PRAME: variants seen among roughly 807,000 people sequenced by gnomAD.
PRAME encodes PRAME nuclear receptor transcriptional regulator, also known as melanoma antigen preferentially expressed in tumors.
A neutral mutation model predicts 32.1 loss-of-function variants in PRAME; 21 were observed. The ratio of observed to expected loss-of-function variants is 0.65; its 90% CI spans 0.46 to 0.94. The LOEUF (loss-of-function observed/expected upper bound fraction) is 0.94, where lower values mean the gene tolerates loss of function less well. PRAME is among the 40% of genes least tolerant of loss of function. The pLI, the probability that PRAME is intolerant of heterozygous loss-of-function variation, is 0.00. For missense variants in PRAME, 651 were observed against 622.3 expected (o/e 1.05, Z -0.49); for synonymous variants, 274 against 251.5 (o/e 1.09, Z -0.85).
chr22:22,558,929 C>T (rs1310769384), intron 1 of PRAME, 42 bp downstream of exon 1: 1 of 152,776 alleles, frequency 6.5e-6, no homozygotes, highest in Admixed American at 6.6e-5. Context: ...TCTGTAACCC[C>T]CCGGGCTGAA....
intron 1 of PRAME, among the ~76,000 whole-genome samples, chr22:22,558,260 T>G (rs932015613): frequency 2.6e-3 from 1 of 392 alleles, no homozygotes; most frequent in African/African-American, 0.021. Context: ...GGGGGAGGGG[T>G]GGGGTGGGGG....
In PRAME at chr22:22,556,742, C is replaced by T. The variant is rs371353953; in HGVS notation, c.21+70G>A. 1.5e-4 allele frequency: 240 copies of T among 1,590,302 alleles called. 1 individual carries two copies. In the Middle Eastern group the frequency reaches 1.7e-3, roughly 11 times the overall value. ...ACCTCAGGATGCAGCTCCCATCTGGCTCGAGTGACAAGGACAGAGGGGAAC... is the reference window on the plus strand; with the variant it reads ...ACCTCAGGATGCAGCTCCCATCTGGTTCGAGTGACAAGGACAGAGGGGAAC... On this transcript the variant is annotated intron_variant, in intron 3 of 5. Coordinates refer to ENST00000405655, the MANE Select transcript of PRAME (RefSeq NM_206956.3).
chr22:22,557,065 C>T, intron 2 of PRAME, 156 bp from the exon 3 acceptor site: 1 of 597,808 alleles, frequency 1.7e-6, no homozygotes, highest in South Asian at 1.9e-5. Flanking sequence ...GGCTCCAAAC[C>T]TGAGCACCAG....
chr22:22,555,759 C>T, intron 3 of PRAME: 1 of 423,390 alleles, frequency 2.4e-6, no homozygotes, highest in Non-Finnish European at 5.1e-6. Flanking sequence ...GTTGCATGTT[C>T]TCCCTGATCT....
In PRAME at chr22:22,551,864, G is replaced by A. The variant is rs976726506; in HGVS notation, c.22-775C>T. On this transcript the variant is annotated intron_variant, in intron 3 of 5. Transcript: ENST00000405655. ...ATACATTGTAGAATAGGTACCTTAA[G>A]CTAATTAACATACATATGATCTCAC... 3.0e-4 allele frequency among the ~76,000 whole-genome samples: 46 copies of A among 151,732 alleles called. 1 individual carries two copies. Among genetic ancestry groups the A allele is most frequent in the Admixed American group, 3.0e-3 (46 of 15,210 alleles).
chr22:22,554,111 G>C, intron 3 of PRAME: 1 of 984,962 alleles, frequency 1.0e-6, no homozygotes, highest in Non-Finnish European at 1.2e-6. Flanking sequence ...AAAAATTGAA[G>C]TTATATTTGG....
chr22:22,555,158 G>C (rs2062832987), intron 3 of PRAME, among the ~76,000 whole-genome samples: 1 of 152,008 alleles, frequency 6.6e-6, no homozygotes, highest in African/African-American at 2.4e-5. Context: ...TATGGTCCTT[G>C]TGGGCTGCAC....
At position 22,548,283 on chromosome 22, in the gene PRAME, G is replaced by A. The variant is rs761766767; in HGVS notation, c.1314C>T (p.His438=). ...QHLIGLSNLT[H]VLYPVPLESY... ...TCTCCAGGGGGACAGGATACAGCAC[G>A]TGGGTCAGATTGCTCAGCCCGATGA... The change falls in exon 6 of 6, where the codon CAC becomes CAT. Residue 438 remains histidine, a synonymous_variant. Transcript: ENST00000405655. 3.2e-5 allele frequency: 52 copies of A among 1,613,802 alleles called. No homozygotes were observed. The highest frequency in any genetic ancestry group is 3.8e-5 in the Non-Finnish European group (45 of 1,179,922).
In PRAME at chr22:22,548,270, C is replaced by CA; in HGVS notation, c.1326dup (p.Val443CysfsTer7). On this transcript the variant is annotated frameshift_variant, in exon 6 of 6. Transcript: ENST00000405655. LOFTEE classifies it low-confidence loss of function (END_TRUNC). ...ATGTCCTCATAACTCTCCAGGGGGA[C>CA]AGGATACAGCACGTGGGTCAGATTG... The CA allele has an allele frequency of 6.2e-7, 1 of 1,613,834 alleles. No individual in the cohort carries two copies. Among genetic ancestry groups the CA allele is most frequent in the Non-Finnish European group, 8.5e-7 (1 of 1,179,976 alleles).
intron 2 of PRAME, chr22:22,557,116 C>T (rs1601845366): frequency 3.8e-6 from 2 of 525,788 alleles, no homozygotes; most frequent in East Asian, 6.7e-5. Flanking sequence ...GAACAACAGA[C>T]CATGTGGTTG....
At chr22:22,553,402 T>A (rs772696490) in intron 3 of PRAME, among the ~76,000 whole-genome samples, 1 of 151,984 alleles carries the variant, frequency 6.6e-6, no homozygotes, top group Non-Finnish European at 1.5e-5. Flanking sequence ...GCTGGGCATT[T>A]GTAATGGGAC....
chr22:22,549,788 G>C lies in PRAME; in HGVS notation c.891C>G (p.Cys297Trp), dbSNP rs2062460123. The change falls in exon 5 of 6, where the codon TGC (cysteine) becomes TGG (tryptophan). Residue 297 changes from cysteine to tryptophan, a missense_variant. Coordinates refer to ENST00000405655, the MANE Select transcript of PRAME (RefSeq NM_206956.3). The part of the protein sequence containing the change: ...QFTSQFLSLQ[C>W]LQALYVDSLF... Reference sequence around the variant, plus strand: ...AAGAGTCCACATAGAGAGCCTGCAGGCACTGCAGACTGAGGAACTGAGAGG... The same window carrying C: ...AAGAGTCCACATAGAGAGCCTGCAGCCACTGCAGACTGAGGAACTGAGAGG... The C allele has an allele frequency of 6.2e-7, 1 of 1,613,604 alleles. No homozygotes were observed. Among genetic ancestry groups the C allele is most frequent in the East Asian group, 2.2e-5 (1 of 44,768 alleles).
At chr22:22,557,007 G>T in intron 2 of PRAME, 98 bp from the exon 3 acceptor site, 1 of 739,298 alleles carries the variant, frequency 1.4e-6, no homozygotes, top group East Asian at 2.7e-5. Flanking sequence ...TACTGCTGAG[G>T]AAACTGACAA....
intron 3 of PRAME, among the ~76,000 whole-genome samples, chr22:22,551,714 T>C (rs1341739333): frequency 6.6e-6 from 1 of 151,836 alleles, no homozygotes; most frequent in Non-Finnish European, 1.5e-5. Context: ...GACATGGAAA[T>C]CAGCGGAGCA....
chr22:22,556,146 T>C (rs1474393218), intron 3 of PRAME, among the ~76,000 whole-genome samples: 4 of 150,704 alleles, frequency 2.7e-5, no homozygotes, highest in Non-Finnish European at 4.4e-5. Flanking sequence ...ACTACAGATG[T>C]GGGCCACCAC....
At chr22:22,556,507 TCA>T (rs2147053170) in intron 3 of PRAME, among the ~76,000 whole-genome samples, 1 of 151,922 alleles carries the variant, frequency 6.6e-6, no homozygotes, top group African/African-American at 2.4e-5. Flanking sequence ...ACGCGGGGTT[TCA>T]CAGTGTTAGC....
intron 3 of PRAME, chr22:22,552,890 C>T (rs1360518742): frequency 2.1e-6 from 1 of 470,860 alleles, no homozygotes; most frequent in East Asian, 7.0e-5. Flanking sequence ...CTGGGTCCCT[C>T]CTCTGGCCCC....
chr22:22,555,993 A>ATTT, intron 3 of PRAME: 2 of 334,184 alleles, frequency 6.0e-6, no homozygotes, highest in Non-Finnish European at 1.3e-5. Flanking sequence ...ATGCATTAAG[A>ATTT]TTTTTTTTTT....
Position 22,559,123 on chromosome 22 carries a change from C to T in PRAME, c.-266G>A, listed in dbSNP as rs1477701712. 1 of 220,102 alleles carries T rather than the reference C, an allele frequency of 4.5e-6. No individual in the cohort carries two copies. 13.6% of individuals were successfully genotyped at this position (220,102 alleles called of 1,614,324 possible). ...CCCTCCCCCGAGCCTGCAGAGGACT[C>T]CGCCCTGCTTTCCCTACATTCAGGG... On this transcript the variant is annotated 5_prime_UTR_variant, in exon 1 of 6. Transcript: ENST00000405655.
Sources: gnomAD v4.1 joint callset for allele counts (sites outside exome capture counted in the v4.1 genomes callset) on GRCh38, gnomAD v4.1.1 for gene constraint, MANE v1.5 for transcripts, NCBI Gene and HGNC (gene_info 2026-07-23, HGNC 2026-07-21) for gene names.